The following TAFA1 variants were observed in gnomAD, a reference collection of about 807,000 sequenced individuals.
TAFA1 encodes TAFA chemokine like family member 1.
A neutral mutation model predicts 18.5 loss-of-function variants in TAFA1; 4 were observed. The observed-to-expected ratio is 0.22, with a 90% CI of 0.11 to 0.49. The LOEUF (loss-of-function observed/expected upper bound fraction) is 0.49, where lower values mean the gene tolerates loss of function less well. Ranked by LOEUF, TAFA1 falls within the 20% of genes least tolerant of loss-of-function variation. The pLI is 0.98. For synonymous variants in TAFA1, 56 were observed against 55.2 expected (o/e 1.01, Z -0.06); for missense variants, 147 against 169.0 (o/e 0.87, Z 0.72).
chr3:68,116,210 G>C (rs1289880278), intron 2 of TAFA1, among the ~76,000 whole-genome samples: 1 of 152,150 alleles, frequency 6.6e-6, no homozygotes, highest in Non-Finnish European at 1.5e-5. Context: ...AGCCGAGATC[G>C]CGCCACTGCT....
At chr3:68,120,169 TTCTCTTTC>T (rs2065373161) in intron 2 of TAFA1, among the ~76,000 whole-genome samples, 13 of 138,180 alleles carry the variant, frequency 9.4e-5, no homozygotes, top group Non-Finnish European at 1.6e-4. Context: ...TTCTCTTTCT[TTCTCTTTC>T]TTTCTTTCTT....
intron 2 of TAFA1, among the ~76,000 whole-genome samples, chr3:68,098,853 C>T (rs533243201): frequency 6.6e-6 from 1 of 152,192 alleles, no homozygotes; most frequent in South Asian, 2.1e-4. Context: ...TAAAGCTGCA[C>T]ACCTACAACC....
intron 2 of TAFA1, among the ~76,000 whole-genome samples, chr3:68,054,108 A>C (rs2064504488): frequency 6.6e-6 from 1 of 152,088 alleles, no homozygotes; most frequent in African/African-American, 2.4e-5. Flanking sequence ...GTGCACTAGC[A>C]ATTGGCAAAC....
chr3:68,431,102 AG>A (rs1398494390), intron 3 of TAFA1, among the ~76,000 whole-genome samples: 4 of 151,930 alleles, frequency 2.6e-5, no homozygotes, highest in Non-Finnish European at 5.9e-5. Context: ...CCCCTACAAA[AG>A]CCTCTATAAC....
At chr3:68,072,437 G>A (rs934111935) in intron 2 of TAFA1, among the ~76,000 whole-genome samples, 63 of 152,192 alleles carry the variant, frequency 4.1e-4, no homozygotes, top group African/African-American at 1.5e-3. Flanking sequence ...TGTTTTAGTT[G>A]TTTCCAGGGT....
rs527446970 is a variant in TAFA1 at position 68,098,777 on chromosome 3, G to C, written c.118+92033G>C. 3.5e-4 allele frequency among the ~76,000 whole-genome samples: 53 copies of C among 152,170 alleles called. 1 individual carries two copies. Among genetic ancestry groups the C allele is most frequent in the African/African-American group, 1.2e-3 (48 of 41,522 alleles). ...CTATACTACAATGTTGCAGTAACTG[G>C]TACAACATGGTACGGGTACAAAAAC... is the stretch of plus-strand genomic sequence containing the variant. On this transcript the variant is annotated intron_variant, in intron 2 of 4. Coordinates refer to ENST00000478136, the MANE Select transcript of TAFA1 (RefSeq NM_213609.4).
At chr3:68,517,222 A>G (rs1010069488) in intron 3 of TAFA1, among the ~76,000 whole-genome samples, 1 of 152,242 alleles carries the variant, frequency 6.6e-6, no homozygotes, top group Non-Finnish European at 1.5e-5. Flanking sequence ...TAGGAAGACA[A>G]TAGTGTCTAA....
At chr3:68,444,068 T>C (rs527355121) in intron 3 of TAFA1, among the ~76,000 whole-genome samples, 1 of 152,312 alleles carries the variant, frequency 6.6e-6, no homozygotes, top group South Asian at 2.1e-4. Context: ...GCCCTGTCTC[T>C]ACAGCCTCGA....
chr3:68,096,144 T>C (rs1358450967), intron 2 of TAFA1, among the ~76,000 whole-genome samples: 2 of 152,126 alleles, frequency 1.3e-5, no homozygotes, highest in African/African-American at 2.4e-5. Flanking sequence ...TGAGATTAAA[T>C]TTTTTAGCTC....
In TAFA1 at chr3:68,449,222, G is replaced by A. The variant is rs150774219; in HGVS notation, c.259+31802G>A. Among the ~76,000 whole-genome samples, 438 of 152,262 alleles carry A rather than the reference G, an allele frequency of 2.9e-3. 1 individual carries two copies. Among genetic ancestry groups the A allele is most frequent in the Non-Finnish European group, 5.4e-3 (369 of 68,022 alleles). ...AGCCTTGAGGGTTGAGTAGGAATTA[G>A]GCAAAGAAAGAAGTATTGATGTTAC... On this transcript the variant is annotated intron_variant, in intron 3 of 4. Transcript: ENST00000478136.
At chr3:68,538,166 A>T (rs916739915) in intron 3 of TAFA1, among the ~76,000 whole-genome samples, 3 of 152,080 alleles carry the variant, frequency 2.0e-5, no homozygotes, top group African/African-American at 7.2e-5. Context: ...AAGTCTGAAA[A>T]AATCTCAGTC....
At chr3:68,445,622 G>A (rs1298193613) in intron 3 of TAFA1, among the ~76,000 whole-genome samples, 2 of 152,106 alleles carry the variant, frequency 1.3e-5, no homozygotes, top group Non-Finnish European at 2.9e-5. Flanking sequence ...ATTTGGATAA[G>A]ATGTAAGACC....
At chr3:68,123,120 T>C (rs2065421295) in intron 2 of TAFA1, among the ~76,000 whole-genome samples, 1 of 151,836 alleles carries the variant, frequency 6.6e-6, no homozygotes, top group Non-Finnish European at 1.5e-5. Context: ...CTTAGGAAAA[T>C]GTATGATTTC....
At chr3:68,152,761 G>T (rs2065821612) in intron 2 of TAFA1, among the ~76,000 whole-genome samples, 1 of 152,038 alleles carries the variant, frequency 6.6e-6, no homozygotes, top group Non-Finnish European at 1.5e-5. Context: ...ACCATCTCCA[G>T]GCTTATATTC....
At chr3:68,382,538 G>T (rs879457133) in intron 2 of TAFA1, among the ~76,000 whole-genome samples, 17 of 151,970 alleles carry the variant, frequency 1.1e-4, no homozygotes, top group Admixed American at 2.6e-4. Flanking sequence ...TCGTTATGGG[G>T]CCTTATTTCT....
At chr3:68,150,852 A>G (rs778092627) in intron 2 of TAFA1, among the ~76,000 whole-genome samples, 1 of 152,166 alleles carries the variant, frequency 6.6e-6, no homozygotes, top group Non-Finnish European at 1.5e-5. Flanking sequence ...ATAATAAGAA[A>G]TAACAGTAAT....
chr3:68,529,453 A>G (rs1394496840), intron 3 of TAFA1, among the ~76,000 whole-genome samples: 1 of 150,774 alleles, frequency 6.6e-6, no homozygotes, highest in African/African-American at 2.4e-5. Flanking sequence ...AAAAAAAAAA[A>G]AAAAAAAAAA....
intron 3 of TAFA1, among the ~76,000 whole-genome samples, chr3:68,483,178 A>G (rs1027100682): frequency 6.6e-6 from 1 of 152,196 alleles, no homozygotes; most frequent in Non-Finnish European, 1.5e-5. Context: ...CCCAGCACAC[A>G]CTGGAGACAG....
chr3:68,166,409 C>A (rs2065982632), intron 2 of TAFA1, among the ~76,000 whole-genome samples: 1 of 152,116 alleles, frequency 6.6e-6, no homozygotes, highest in South Asian at 2.1e-4. Flanking sequence ...GCGTTTGAGG[C>A]TCTTTCAGAC....
Sources: gnomAD v4.1 joint callset for allele counts (sites outside exome capture counted in the v4.1 genomes callset) on GRCh38, gnomAD v4.1.1 for gene constraint, MANE v1.5 for transcripts, NCBI Gene and HGNC (gene_info 2026-07-23, HGNC 2026-07-21) for gene names.